TOGARAM2: variants seen among roughly 807,000 people sequenced by gnomAD.
TOGARAM2 encodes TOG array regulator of axonemal microtubules protein 2.
TOGARAM2 carries 85 observed loss-of-function variants against 93.3 expected under a neutral mutation model. The observed-to-expected ratio is 0.91, with a 90% CI of 0.76 to 1.09. The LOEUF (loss-of-function observed/expected upper bound fraction) is 1.09. Ranked by LOEUF, TOGARAM2 falls within the 50% of genes least tolerant of loss-of-function variation. TOGARAM2 has a pLI of 0.00. For missense variants in TOGARAM2, 1,277 were observed against 1,334.5 expected, an observed-to-expected ratio of 0.96 and a Z score of 0.67; for synonymous variants, 593 against 552.8, an observed-to-expected ratio of 1.07 and a Z score of -1.02.
At chr2:28,970,473 T>C (rs1454440854) in intron 1 of TOGARAM2, among the ~76,000 whole-genome samples, 1 of 152,224 alleles carries the variant, frequency 6.6e-6, no homozygotes, top group Non-Finnish European at 1.5e-5. Flanking sequence ...GTAGCTCTGA[T>C]TGTTAAATGA....
At chr2:29,044,995 C>CATCT (rs1558470735) in intron 18 of TOGARAM2, among the ~76,000 whole-genome samples, 1 of 152,116 alleles carries the variant, frequency 6.6e-6, no homozygotes, top group East Asian at 1.9e-4. Context: ...CATCTTCTGT[C>CATCT]ATCTATCTAC....
intron 1 of TOGARAM2, among the ~76,000 whole-genome samples, chr2:28,966,044 C>T (rs1272710209): frequency 1.3e-5 from 2 of 150,962 alleles, no homozygotes; most frequent in East Asian, 3.9e-4. Flanking sequence ...TTTTTTGAGA[C>T]AGAGTCTCCC....
chr2:29,040,635 G>C (rs1666376259), intron 18 of TOGARAM2, among the ~76,000 whole-genome samples: 1 of 152,212 alleles, frequency 6.6e-6, no homozygotes, highest in African/African-American at 2.4e-5. Context: ...CTTGGAACAT[G>C]AGCCATACAG....
chr2:28,990,695 G>A (rs11127199), intron 1 of TOGARAM2, among the ~76,000 whole-genome samples: 62,911 of 151,852 alleles, frequency 0.41, 14,150 homozygotes, highest in East Asian at 0.76. Flanking sequence ...GTATCCCTGA[G>A]TGCTCATCTC....
Position 29,024,327 on chromosome 2 carries a change from T to C in TOGARAM2, c.1806T>C (p.Asn602=). 1.2e-6 allele frequency: 2 copies of C among 1,612,444 alleles called. No homozygotes were observed. The highest frequency in any genetic ancestry group is 1.7e-6 in the Non-Finnish European group (2 of 1,179,346). Residue 602 remains asparagine, a synonymous_variant, in exon 13 of 20, where the codon AAT becomes AAC. Transcript: ENST00000379558. ...AGQSLRAMVE[N]VTLARSLVVL... Reference sequence around the variant, plus strand: ...AGTCTCTGAGGGCTATGGTGGAGAATGTGACCCTTGCCCGCTCCCTGGTGG... The same window carrying C: ...AGTCTCTGAGGGCTATGGTGGAGAACGTGACCCTTGCCCGCTCCCTGGTGG...
At position 29,027,455 on chromosome 2, in the gene TOGARAM2, T is replaced by C. The variant is rs933819672; in HGVS notation, c.2012+444T>C. Among the ~76,000 whole-genome samples the C allele has an allele frequency of 2.6e-5, 4 of 152,252 alleles. No homozygotes were observed. In the East Asian group the frequency reaches 7.7e-4, roughly 29 times the overall value. Reference sequence around the variant, plus strand: ...AATAAATAATTATGGTAATTTTAGATACATATCAGGGATATAAAGAAAAAA... The same window carrying C: ...AATAAATAATTATGGTAATTTTAGACACATATCAGGGATATAAAGAAAAAA... On this transcript the variant is annotated intron_variant, in intron 14 of 19. Coordinates refer to ENST00000379558, the MANE Select transcript of TOGARAM2 (RefSeq NM_199280.4).
In TOGARAM2 at chr2:29,017,851, T is replaced by C. The variant is rs767187799; in HGVS notation, c.1255T>C (p.Cys419Arg). 1.1e-5 allele frequency: 18 copies of C among 1,613,432 alleles called. No individual in the cohort carries two copies. In the Admixed American group the frequency reaches 2.0e-4, roughly 18 times the overall value. The change falls in exon 10 of 20, where the codon TGC becomes CGC. Residue 419 changes from cysteine (C) to arginine (R), a missense_variant. Cys to Arg is a radical substitution (Grantham distance 180). Transcript: ENST00000379558. ...LSVPTRLSGP[C>R]RNDVSIILRK... Reference sequence around the variant, plus strand: ...TGTGCCCACTAGGCTGAGCGGCCCATGCAGAAACGACGTCAGCATCATCCT... The same window carrying C: ...TGTGCCCACTAGGCTGAGCGGCCCACGCAGAAACGACGTCAGCATCATCCT...
chr2:28,993,587 C>T (rs776222610), intron 1 of TOGARAM2, among the ~76,000 whole-genome samples: 3 of 152,234 alleles, frequency 2.0e-5, no homozygotes, highest in Non-Finnish European at 2.9e-5. Flanking sequence ...AGATATTAAA[C>T]AGAGAGTTCC....
chr2:28,987,691 T>C (rs764166646), intron 1 of TOGARAM2, among the ~76,000 whole-genome samples: 2 of 152,224 alleles, frequency 1.3e-5, no homozygotes, highest in Non-Finnish European at 2.9e-5. Flanking sequence ...TTCTGTGGAA[T>C]TGCTGGCTGG....
At position 29,036,846 on chromosome 2, in the gene TOGARAM2, G is replaced by A. The variant is rs997395058; in HGVS notation, c.2635+89G>A. 13 of 1,316,120 alleles carry A rather than the reference G, an allele frequency of 9.9e-6. No individual in the cohort carries two copies. In the Admixed American group the frequency reaches 2.6e-4, roughly 26 times the overall value. 81.5% of individuals were successfully genotyped at this position (1,316,120 alleles called of 1,614,324 possible). On this transcript the variant is annotated intron_variant, in intron 18 of 19. Coordinates refer to ENST00000379558, the MANE Select transcript of TOGARAM2 (RefSeq NM_199280.4). Reference sequence around the variant, plus strand: ...TGCAAGGTGGATAAGGCCTTGGTTGGTTCCCAGGCCAGATGTTTCACCAGA... The same window carrying A: ...TGCAAGGTGGATAAGGCCTTGGTTGATTCCCAGGCCAGATGTTTCACCAGA...
Position 29,017,779 on chromosome 2 carries a change from T to C in TOGARAM2, c.1196-13T>C. 1 of 1,597,696 alleles carries C rather than the reference T, an allele frequency of 6.3e-7. No homozygotes were observed. Among genetic ancestry groups the C allele is most frequent in the African/African-American group, 1.3e-5 (1 of 74,522 alleles). On this transcript the variant is annotated splice_polypyrimidine_tract_variant and intron_variant, in intron 9 of 19. Transcript: ENST00000379558. ...AGACCTGCCTAGTCCTAGGACTTTC[T>C]CTGTGTCCACAGGCCTCCTTCCCCT...
chr2:29,005,920 T>A lies in TOGARAM2; in HGVS notation c.830+2238T>A, dbSNP rs537405770. 4.2e-3 allele frequency among the ~76,000 whole-genome samples: 627 copies of A among 147,968 alleles called. 7 individuals are homozygous for A. The highest frequency in any genetic ancestry group is 0.015 in the African/African-American group (578 of 38,888). ...GTGTGAGTGCGTGTGTGTAAGTGCA[T>A]GTGTGTGGAGTGTGTGTGTGGGGTA... On this transcript the variant is annotated intron_variant, in intron 6 of 19. Coordinates refer to ENST00000379558, the MANE Select transcript of TOGARAM2 (RefSeq NM_199280.4).
At chr2:28,963,892 A>G (rs1671830835) in intron 1 of TOGARAM2, among the ~76,000 whole-genome samples, 1 of 152,152 alleles carries the variant, frequency 6.6e-6, no homozygotes, top group Non-Finnish European at 1.5e-5. Context: ...CCTGTAGTCC[A>G]AGCTGCTTGG....
chr2:29,044,440 T>C (rs921549667), intron 18 of TOGARAM2, among the ~76,000 whole-genome samples: 16 of 152,216 alleles, frequency 1.1e-4, no homozygotes, highest in Admixed American at 9.2e-4. Flanking sequence ...CCTCTGACCC[T>C]GCCAGAGCCA....
chr2:29,029,099 A>G (rs1365532212), intron 14 of TOGARAM2, among the ~76,000 whole-genome samples: 1 of 152,250 alleles, frequency 6.6e-6, no homozygotes, highest in Non-Finnish European at 1.5e-5. Flanking sequence ...CTGCAATCCC[A>G]CTACTGGGTA....
At chr2:29,000,265 A>G (rs1271402643) in intron 4 of TOGARAM2, among the ~76,000 whole-genome samples, 1 of 152,100 alleles carries the variant, frequency 6.6e-6, no homozygotes, top group Non-Finnish European at 1.5e-5. Context: ...GAGCAGATGA[A>G]CAAGGGATTC....
intron 5 of TOGARAM2, among the ~76,000 whole-genome samples, chr2:29,003,093 T>C (rs2148290149): frequency 6.6e-6 from 1 of 152,136 alleles, no homozygotes; most frequent in South Asian, 2.1e-4. Context: ...TAAGCAAGAG[T>C]GTGGCAAAGA....
chr2:29,004,819 ATG>A (rs1164360972), intron 6 of TOGARAM2, among the ~76,000 whole-genome samples: 1 of 147,776 alleles, frequency 6.8e-6, no homozygotes, highest in African/African-American at 2.5e-5. Flanking sequence ...TGTGTGGAGT[ATG>A]TGTGTGCATG....
intron 7 of TOGARAM2, among the ~76,000 whole-genome samples, chr2:29,012,351 A>G (rs1003671911): frequency 6.6e-6 from 1 of 152,182 alleles, no homozygotes; most frequent in Admixed American, 6.5e-5. Context: ...CTGTTGCCCA[A>G]GAGGCCCTGG....
Sources: allele counts gnomAD v4.1 joint callset (sites outside exome capture counted in the v4.1 genomes callset), GRCh38; gene constraint gnomAD v4.1.1; transcripts MANE v1.5; gene names NCBI Gene and HGNC (gene_info 2026-07-23, HGNC 2026-07-21).